Variants in DDIAS observed in about 807,000 individuals in gnomAD.
DDIAS encodes the protein DNA damage induced apoptosis suppressor.
DDIAS carries 14 observed loss-of-function variants against 15.7 expected under a neutral mutation model. The observed-to-expected ratio is 0.89, with a 90% confidence interval of 0.59 to 1.39. The LOEUF (loss-of-function observed/expected upper bound fraction) is 1.39, where lower values mean the gene tolerates loss of function less well. DDIAS is among the 40% of genes most tolerant of loss of function. The pLI is 0.00. For missense variants in DDIAS, 1,035 were observed against 1,130.9 expected (o/e 0.92, Z 1.22); for synonymous variants, 355 against 395.9 (o/e 0.90, Z 1.23).
rs1169747555 is a variant in DDIAS at position 82,934,035 on chromosome 11, G to A, written c.2697G>A (p.Glu899=). The change falls in exon 6 of 6, where the codon GAG becomes GAA. Residue 899 remains glutamate, a synonymous_variant. Transcript: ENST00000533655. ...CCTATCATTTCCCTGATCAACAAGA[G>A]TTACCAAGAAAGAAACTGAAACATA... The part of the protein sequence containing the change: ...LAAYHFPDQQ[E]LPRKKLKHIR... The A allele has an allele frequency of 6.2e-7, 1 of 1,613,758 alleles. No individual in the cohort carries two copies. Among genetic ancestry groups the A allele is most frequent in the South Asian group, 1.1e-5 (1 of 90,962 alleles).
intron 3 of DDIAS, among the ~76,000 whole-genome samples, chr11:82,916,091 A>G (rs1362675940): frequency 6.6e-6 from 1 of 152,178 alleles, no homozygotes; most frequent in Non-Finnish European, 1.5e-5. Context: ...AGAGAACACA[A>G]CAGAGTTTCA....
At chr11:82,913,728 G>A (rs1244676911) in intron 2 of DDIAS, 1 of 444,144 alleles carries the variant, frequency 2.3e-6, no homozygotes, top group East Asian at 7.2e-5. Context: ...CACCAATTTA[G>A]GTTCTTTAAA....
intron 3 of DDIAS, among the ~76,000 whole-genome samples, chr11:82,928,269 G>C (rs149171133): frequency 0.034 from 4,318 of 127,832 alleles, 125 homozygotes; most frequent in Admixed American, 0.11. Context: ...TGCGATCTTG[G>C]CTGACTGCAA....
In DDIAS at chr11:82,932,126, A is replaced by C; in HGVS notation, c.788A>C (p.Gln263Pro). The C allele has an allele frequency of 6.2e-7, 1 of 1,614,198 alleles. No individual in the cohort carries two copies. The highest frequency in any genetic ancestry group is 8.5e-7 in the Non-Finnish European group (1 of 1,180,036). The change falls in exon 6 of 6, where the codon CAA becomes CCA. Residue 263 changes from glutamine (Q) to proline (P), a missense_variant. Gln to Pro is a moderately conservative substitution (Grantham distance 76, BLOSUM62 -1). Coordinates refer to ENST00000533655, the MANE Select transcript of DDIAS (RefSeq NM_145018.4). Reference sequence around the variant, plus strand: ...AATGATGATTTTTCAGCTTCAGAACAAAGTAAGGCCTTTGGTACTCTTCAG... The same window carrying C: ...AATGATGATTTTTCAGCTTCAGAACCAAGTAAGGCCTTTGGTACTCTTCAG... ...TDNDDFSASE[Q>P]SKAFGTLQQN...
At chr11:82,922,139 A>G in intron 3 of DDIAS, among the ~76,000 whole-genome samples, 1 of 152,096 alleles carries the variant, frequency 6.6e-6, no homozygotes, top group Non-Finnish European at 1.5e-5. Flanking sequence ...ACAACTCTTA[A>G]GATTCTTTCC....
chr11:82,923,515 A>G (rs1860799222), intron 3 of DDIAS, among the ~76,000 whole-genome samples: 2 of 152,178 alleles, frequency 1.3e-5, no homozygotes, highest in Non-Finnish European at 2.9e-5. Flanking sequence ...TATAATCATA[A>G]TAAGTATTTT....
At chr11:82,931,636 G>C in intron 5 of DDIAS, 96 bp from the exon 6 acceptor site, 1 of 1,108,164 alleles carries the variant, frequency 9.0e-7, no homozygotes, top group Non-Finnish European at 1.3e-6. Flanking sequence ...TGGGATTACA[G>C]GCATGAGCCA....
In DDIAS at chr11:82,934,291, G is replaced by T; in HGVS notation, c.2953G>T (p.Val985Leu). The stretch of plus-strand genomic sequence containing the variant: ...ATTTTCAGAAAAAGGCCCACCTTCA[G>T]TGTGTGAAACTCGAAGTGCTTGGTC... ...LPFSEKGPPSVCETRSAWSPE... is the reference protein window; with the variant it reads ...LPFSEKGPPSLCETRSAWSPE... The change falls in exon 6 of 6, where the codon GTG (valine) becomes TTG (leucine). Residue 985 changes from valine to leucine, a missense_variant. Physicochemically the swap from Val to Leu is conservative, Grantham distance 32. Coordinates refer to ENST00000533655, the MANE Select transcript of DDIAS (RefSeq NM_145018.4). 1 of 1,607,214 alleles carries T rather than the reference G, an allele frequency of 6.2e-7. No individual in the cohort carries two copies. Among genetic ancestry groups the T allele is most frequent in the Non-Finnish European group, 8.5e-7 (1 of 1,178,236 alleles).
At chr11:82,910,772 C>T (rs7930344) in intron 1 of DDIAS, among the ~76,000 whole-genome samples, 11,299 of 151,890 alleles carry the variant, frequency 0.074, 911 homozygotes, top group African/African-American at 0.19. Context: ...CATACTACCA[C>T]GCCTGACTAA....
chr11:82,904,752 T>C (rs934875117), intron 1 of DDIAS, among the ~76,000 whole-genome samples: 3 of 152,210 alleles, frequency 2.0e-5, no homozygotes, highest in East Asian at 1.9e-4. Flanking sequence ...ACTTGTCTAG[T>C]ATGAAAATGG....
At chr11:82,905,097 G>A (rs1005945694) in intron 1 of DDIAS, among the ~76,000 whole-genome samples, 4 of 152,176 alleles carry the variant, frequency 2.6e-5, no homozygotes, top group Non-Finnish European at 5.9e-5. Flanking sequence ...AATTAGATAT[G>A]TACTATAGTG....
chr11:82,913,708 G>C (rs1340717576), intron 2 of DDIAS: 1 of 448,162 alleles, frequency 2.2e-6, no homozygotes, highest in East Asian at 7.1e-5. Context: ...AGCTAAAAAA[G>C]AACAATTTCC....
intron 1 of DDIAS, among the ~76,000 whole-genome samples, chr11:82,912,020 TCATGC>T (rs1860538338): frequency 6.6e-6 from 1 of 152,188 alleles, no homozygotes. Context: ...ATTCAGTAAA[TCATGC>T]CATAAACAGA....
chr11:82,913,400 C>T lies in DDIAS; in HGVS notation c.-17+14C>T, dbSNP rs1860562873. The T allele has an allele frequency of 5.0e-6, 1 of 200,322 alleles. No homozygotes were observed. Among genetic ancestry groups the T allele is most frequent in the Admixed American group, 5.9e-5 (1 of 16,856 alleles). The allele number at this position is 200,322 out of a possible 1,614,324, so 12.4% of individuals were successfully genotyped here. On this transcript the variant is annotated intron_variant, in intron 2 of 5. Coordinates refer to ENST00000533655, the MANE Select transcript of DDIAS (RefSeq NM_145018.4). ...CTGGTATTACAGGTACGTGCCACCA[C>T]ACTCAGCTAATTCTCTTATATTTTT...
Position 82,934,286 on chromosome 11 carries a change from C to T in DDIAS, c.2948C>T (p.Pro983Leu), listed in dbSNP as rs1407572913. The change falls in exon 6 of 6, where the codon CCT (proline) becomes CTT (leucine). Residue 983 changes from proline to leucine, a missense_variant. Transcript: ENST00000533655. The part of the protein sequence containing the change: ...CCLPFSEKGP[P>L]SVCETRSAWS... ...CTTCCATTTTCAGAAAAAGGCCCACCTTCAGTGTGTGAAACTCGAAGTGCT... is the reference window on the plus strand; with the variant it reads ...CTTCCATTTTCAGAAAAAGGCCCACTTTCAGTGTGTGAAACTCGAAGTGCT... 6.2e-7 allele frequency: 1 copy of T among 1,607,976 alleles called. No individual in the cohort carries two copies. Among genetic ancestry groups the T allele is most frequent in the Admixed American group, 1.7e-5 (1 of 58,374 alleles).
chr11:82,925,790 C>A (rs973211085), intron 3 of DDIAS, among the ~76,000 whole-genome samples: 1 of 151,908 alleles, frequency 6.6e-6, no homozygotes. Context: ...AGATCGAGAC[C>A]ATCCTGGCTA....
intron 5 of DDIAS, among the ~76,000 whole-genome samples, chr11:82,930,939 C>T (rs1860970164): frequency 6.6e-6 from 1 of 152,242 alleles, no homozygotes; most frequent in African/African-American, 2.4e-5. Flanking sequence ...TTGTTAAAAT[C>T]GTAGACAGTC....
chr11:82,932,474 A>G lies in DDIAS; in HGVS notation c.1136A>G (p.Asp379Gly). 1 of 1,614,224 alleles carries G rather than the reference A, an allele frequency of 6.2e-7. No homozygotes were observed. Among genetic ancestry groups the G allele is most frequent in the Non-Finnish European group, 8.5e-7 (1 of 1,180,030 alleles). ...CCATGTTTTCAGCATCATGGTATAG[A>G]TACCCCAACTAGCCTTCAGAAGAGA... is the stretch of plus-strand genomic sequence containing the variant. ...ELPCFQHHGI[D>G]TPTSLQKRSA... The change falls in exon 6 of 6, where the codon GAT becomes GGT. Residue 379 changes from aspartate (D) to glycine (G), a missense_variant. Physicochemically the swap from Asp to Gly is moderately conservative, Grantham distance 94 (BLOSUM62 -1). Transcript: ENST00000533655.
intron 1 of DDIAS, among the ~76,000 whole-genome samples, chr11:82,906,169 AAATT>A (rs1324445903): frequency 2.6e-5 from 4 of 152,192 alleles, no homozygotes; most frequent in South Asian, 2.1e-4. Context: ...ACACCAAAGG[AAATT>A]AATTAACAGT....
Sources: gnomAD v4.1 joint callset for allele counts (sites outside exome capture counted in the v4.1 genomes callset) on GRCh38, gnomAD v4.1.1 for gene constraint, MANE v1.5 for transcripts, NCBI Gene and HGNC (gene_info 2026-07-23, HGNC 2026-07-21) for gene names.